Variants in RAB3IP observed in about 807,000 individuals in gnomAD.
RAB3IP encodes rab-3A-interacting protein.
RAB3IP carries 36 observed loss-of-function variants against 59.1 expected under a neutral mutation model. The observed-to-expected ratio is 0.61, with a 90% CI of 0.47 to 0.80. The LOEUF (loss-of-function observed/expected upper bound fraction) is 0.80, where lower values mean the gene tolerates loss of function less well. Among genes scored for constraint, RAB3IP ranks in the 30% least tolerant of loss-of-function variants. The probability of loss-of-function intolerance (pLI) is 0.00; values close to 1 mark genes in which losing one functional copy is unlikely to be tolerated. For missense variants in RAB3IP, 511 were observed against 536.0 expected (o/e 0.95, Z 0.46); for synonymous variants, 207 against 191.2 (o/e 1.08, Z -0.68).
chr12:69,739,800 G>C (rs1437377992), intron 1 of RAB3IP: 1 of 1,612,822 alleles, frequency 6.2e-7, no homozygotes, highest in South Asian at 1.1e-5. Context: ...CTCCAGAAGT[G>C]ATGATGCTGG....
Position 69,773,364 on chromosome 12 carries a change from A to G in RAB3IP, c.511-11356A>G, listed in dbSNP as rs558816513. On this transcript the variant is annotated intron_variant, in intron 3 of 10. Coordinates refer to ENST00000247833, the MANE Select transcript of RAB3IP (RefSeq NM_022456.5). ...CAGGTTTTGAAAATGTTCTGTTATT[A>G]TTTTTTTGGATACGCCTTCTACCCA... 3.1e-3 allele frequency among the ~76,000 whole-genome samples: 140 copies of G among 45,570 alleles called. 1 individual carries two copies. The South Asian group carries it at 0.072, about 23-fold the overall frequency. 29.9% of individuals were successfully genotyped at this position (45,570 alleles called of 152,430 possible).
At chr12:69,758,908 T>G (rs1291915268) in intron 3 of RAB3IP, among the ~76,000 whole-genome samples, 1 of 151,918 alleles carries the variant, frequency 6.6e-6, no homozygotes, top group Non-Finnish European at 1.5e-5. Context: ...CATCTATCAT[T>G]GTTGATGAGA....
intron 4 of RAB3IP, among the ~76,000 whole-genome samples, chr12:69,791,967 A>G (rs1193360258): frequency 6.6e-6 from 1 of 152,210 alleles, no homozygotes; most frequent in Non-Finnish European, 1.5e-5. Flanking sequence ...TGTGTATATG[A>G]ATACTACTCA....
intron 1 of RAB3IP, among the ~76,000 whole-genome samples, chr12:69,752,325 A>G (rs867625626): frequency 3.0e-4 from 36 of 121,812 alleles, no homozygotes; most frequent in African/African-American, 1.1e-3. Flanking sequence ...AAAAAATTAT[A>G]TATATATATT....
Position 69,821,853 on chromosome 12 carries a change from C to G in RAB3IP, c.*6407C>G, listed in dbSNP as rs755775425. The G allele has an allele frequency of 3.3e-5, 5 of 152,312 alleles. No homozygotes were observed. The highest frequency in any genetic ancestry group is 7.3e-5 in the Non-Finnish European group (5 of 68,036). 9.4% of individuals were successfully genotyped at this position (152,312 alleles called of 1,614,324 possible). ...TGGCCCACCATCCTGGATTGTCTCC[C>G]TGACACCAAGGCTAAGGGACCCACT... On this transcript the variant is annotated 3_prime_UTR_variant, in exon 11 of 11. Transcript: ENST00000247833.
At chr12:69,739,960 C>A in intron 1 of RAB3IP, 3 of 1,275,942 alleles carry the variant, frequency 2.4e-6, no homozygotes, top group Non-Finnish European at 3.4e-6. Flanking sequence ...TGTTCGGAGG[C>A]TACCTGTTAT....
chr12:69,814,045 A>C (rs1279337593), intron 10 of RAB3IP, among the ~76,000 whole-genome samples: 1 of 152,212 alleles, frequency 6.6e-6, no homozygotes, highest in Non-Finnish European at 1.5e-5. Flanking sequence ...GAATTTCAAA[A>C]GGCCTAATAA....
At chr12:69,756,726 G>A in intron 3 of RAB3IP, 63 bp downstream of exon 3, 1 of 1,357,672 alleles carries the variant, frequency 7.4e-7, no homozygotes, top group East Asian at 2.5e-5. Context: ...TCTCCATGGG[G>A]TGGGGCAACC....
intron 8 of RAB3IP, among the ~76,000 whole-genome samples, chr12:69,811,719 A>G (rs934125952): frequency 3.9e-5 from 6 of 152,342 alleles, no homozygotes; most frequent in Middle Eastern, 3.4e-3. Flanking sequence ...AGAAATATCT[A>G]TTTGAAAAAA....
chr12:69,764,842 G>T, intron 3 of RAB3IP, among the ~76,000 whole-genome samples: 1 of 152,020 alleles, frequency 6.6e-6, no homozygotes, highest in East Asian at 1.9e-4. Context: ...AGTTCTCTTT[G>T]TAGAGATCTT....
chr12:69,782,921 CT>C (rs1002390553), intron 3 of RAB3IP, among the ~76,000 whole-genome samples: 1 of 152,084 alleles, frequency 6.6e-6, no homozygotes, highest in East Asian at 1.9e-4. Context: ...TGGTCGTACA[CT>C]TGAAGGACAC....
Position 69,755,386 on chromosome 12 carries a change from T to C in RAB3IP, c.-23T>C, listed in dbSNP as rs1175939230. 6.2e-7 allele frequency: 1 copy of C among 1,612,036 alleles called. No individual in the cohort carries two copies. The highest frequency in any genetic ancestry group is 1.7e-4 in the Middle Eastern group (1 of 6,050). ...ATCTGCTTTTTGTTTTAACATAGGT[T>C]ATCTTATGATGAGGCTTTTGCTATG... On this transcript the variant is annotated splice_region_variant and 5_prime_UTR_variant, in exon 2 of 11. Transcript: ENST00000247833.
At chr12:69,812,339 C>T (rs1204699684) in intron 8 of RAB3IP, 1 of 157,194 alleles carries the variant, frequency 6.4e-6, no homozygotes, top group Admixed American at 6.3e-5. Context: ...AACCAACCAA[C>T]CAAATAAACA....
intron 1 of RAB3IP, among the ~76,000 whole-genome samples, chr12:69,746,139 G>A (rs1016370024): frequency 1.3e-5 from 2 of 152,106 alleles, no homozygotes; most frequent in African/African-American, 4.8e-5. Context: ...GACAGTAATC[G>A]TTTAACCAGC....
At chr12:69,786,729 G>A (rs539106835) in intron 4 of RAB3IP, among the ~76,000 whole-genome samples, 2 of 152,254 alleles carry the variant, frequency 1.3e-5, no homozygotes, top group South Asian at 4.1e-4. Flanking sequence ...TGAAATAGAA[G>A]TAGAAAAAAC....
chr12:69,791,188 A>G (rs997305533), intron 4 of RAB3IP, among the ~76,000 whole-genome samples: 3 of 152,212 alleles, frequency 2.0e-5, no homozygotes, highest in Non-Finnish European at 2.9e-5. Context: ...AGAAAAATCA[A>G]TTCAAATGGA....
intron 1 of RAB3IP, chr12:69,739,887 AC>A (rs1194215122): frequency 3.7e-6 from 6 of 1,613,650 alleles, no homozygotes; most frequent in Non-Finnish European, 5.1e-6. Flanking sequence ...CTTGAAAGAC[AC>A]GAGCGCTGAG....
intron 3 of RAB3IP, 108 bp from the exon 4 acceptor site, chr12:69,784,612 G>A: frequency 2.2e-6 from 1 of 452,338 alleles, no homozygotes. Context: ...AACATTGTCA[G>A]AAGTGACAGT....
In RAB3IP at chr12:69,821,948, G is replaced by A. The variant is rs1321011018; in HGVS notation, c.*6502G>A. ...CCCCAATTCTAACCTTAGCTTCTCA[G>A]GCCATTAAATGAAATCTCATTTCTA... On this transcript the variant is annotated 3_prime_UTR_variant, in exon 11 of 11. Coordinates refer to ENST00000247833, the MANE Select transcript of RAB3IP (RefSeq NM_022456.5). The A allele has an allele frequency of 1.3e-5, 2 of 152,196 alleles. No individual in the cohort carries two copies. Among genetic ancestry groups the A allele is most frequent in the Non-Finnish European group, 2.9e-5 (2 of 68,046 alleles). 9.4% of individuals were successfully genotyped at this position (152,196 alleles called of 1,614,324 possible).
Sources: allele counts gnomAD v4.1 joint callset (sites outside exome capture counted in the v4.1 genomes callset), GRCh38; gene constraint gnomAD v4.1.1; transcripts MANE v1.5; gene names NCBI Gene and HGNC (gene_info 2026-07-23, HGNC 2026-07-21).